DGKB: variants seen among roughly 807,000 people sequenced by gnomAD.
DGKB encodes diacylglycerol kinase beta, also known as 90 kDa diacylglycerol kinase.
Under a neutral mutation model 114.3 loss-of-function variants are expected in DGKB, and 67 were observed. The ratio of observed to expected loss-of-function variants is 0.59; its 90% CI spans 0.48 to 0.72. The LOEUF is 0.72. Among genes scored for constraint, DGKB ranks in the 30% least tolerant of loss-of-function variants. DGKB has a pLI of 0.00. For synonymous variants in DGKB, 398 were observed against 323.1 expected (o/e 1.23, Z -2.49); for missense variants, 907 against 975.2 (o/e 0.93, Z 0.93).
chr7:14,813,239 A>C (rs912195892), intron 2 of DGKB, among the ~76,000 whole-genome samples: 7 of 151,868 alleles, frequency 4.6e-5, no homozygotes. Context: ...CAAGTCTTAG[A>C]AAAAAAGGAA....
intron 4 of DGKB, 63 bp from the exon 5 acceptor site, chr7:14,736,257 T>C (rs1297499095): frequency 1.8e-6 from 2 of 1,102,106 alleles, no homozygotes; most frequent in Non-Finnish European, 2.6e-6. Context: ...TTCTGTGCTG[T>C]GTTCAAAATC....
intron 20 of DGKB, among the ~76,000 whole-genome samples, chr7:14,518,010 G>A (rs927958547): frequency 3.3e-5 from 5 of 152,050 alleles, no homozygotes; most frequent in Non-Finnish European, 7.4e-5. Flanking sequence ...ACACATGCAC[G>A]CATATGTTCA....
intron 19 of DGKB, among the ~76,000 whole-genome samples, chr7:14,580,288 C>G (rs527436829): frequency 6.6e-6 from 1 of 151,968 alleles, no homozygotes; most frequent in South Asian, 2.1e-4. Context: ...GAGGTCTTTC[C>G]CTATAATGAT....
chr7:14,713,005 G>A (rs1404210278), intron 6 of DGKB, among the ~76,000 whole-genome samples: 1 of 152,202 alleles, frequency 6.6e-6, no homozygotes. Context: ...CAACACGACA[G>A]CTTCCAAATA....
At chr7:14,257,885 C>T (rs1385809259) in intron 23 of DGKB, among the ~76,000 whole-genome samples, 1 of 152,086 alleles carries the variant, frequency 6.6e-6, no homozygotes, top group African/African-American at 2.4e-5. Flanking sequence ...CACCACCATG[C>T]TCGGCTAATT....
Position 14,515,221 on chromosome 7 carries a change from T to TCAATATATTA in DGKB, c.1771-37006_1771-36997dup, listed in dbSNP as rs560521313. Reference sequence around the variant, plus strand: ...TAAAAAGTAGAAACACATTATGACATCAATATATTATTTCATTATTTTTCC... The same window carrying TCAATATATTA: ...TAAAAAGTAGAAACACATTATGACATCAATATATTACAATATATTATTTCATTATTTTTCC... On this transcript the variant is annotated intron_variant, in intron 20 of 25. Coordinates refer to ENST00000402815, the MANE Select transcript of DGKB (RefSeq NM_001350709.2). 7.9e-5 allele frequency among the ~76,000 whole-genome samples: 12 copies of TCAATATATTA among 152,286 alleles called. No homozygotes were observed. In the East Asian group the frequency reaches 2.3e-3, roughly 29 times the overall value.
At chr7:14,610,763 T>C (rs946827418) in intron 16 of DGKB, among the ~76,000 whole-genome samples, 1 of 152,014 alleles carries the variant, frequency 6.6e-6, no homozygotes, top group African/African-American at 2.4e-5. Flanking sequence ...TCTGACGTTG[T>C]CCTTGGCAAC....
At chr7:14,260,783 G>A (rs896726890) in intron 23 of DGKB, among the ~76,000 whole-genome samples, 1 of 152,090 alleles carries the variant, frequency 6.6e-6, no homozygotes, top group Non-Finnish European at 1.5e-5. Flanking sequence ...AGTAAATGTT[G>A]CTGCTCACCA....
rs185823286 is a variant in DGKB at position 14,796,523 on chromosome 7, T to C, written c.71-38792A>G. On this transcript the variant is annotated intron_variant, in intron 2 of 25. Coordinates refer to ENST00000402815, the MANE Select transcript of DGKB (RefSeq NM_001350709.2). ...AAAAATTGTAATCAGAGATGAAACA[T>C]GGCTTTACCCGCACAATTCTGAAGA... Among the ~76,000 whole-genome samples the C allele has an allele frequency of 3.3e-3, 501 of 152,178 alleles. 3 individuals are homozygous for C. Among genetic ancestry groups the C allele is most frequent in the African/African-American group, 0.011 (473 of 41,520 alleles).
intron 13 of DGKB, among the ~76,000 whole-genome samples, chr7:14,654,100 T>A (rs1038449911): frequency 1.3e-5 from 2 of 152,066 alleles, no homozygotes; most frequent in African/African-American, 4.8e-5. Flanking sequence ...AACTTATCCC[T>A]CCTTGTAAAT....
At chr7:14,154,034 C>A (rs117639015) in intron 25 of DGKB, among the ~76,000 whole-genome samples, 1 of 151,294 alleles carries the variant, frequency 6.6e-6, no homozygotes, top group African/African-American at 2.4e-5. Context: ...GCTAAGGAGA[C>A]GAGTCAAAAA....
At chr7:14,427,580 G>T (rs537892111) in intron 21 of DGKB, among the ~76,000 whole-genome samples, 1 of 152,224 alleles carries the variant, frequency 6.6e-6, no homozygotes, top group South Asian at 2.1e-4. Context: ...CTGAGACAGG[G>T]TGATTTACAA....
rs909229213 is a variant in DGKB at position 14,897,134 on chromosome 7, G to A, written c.-188+5458C>T. On this transcript the variant is annotated intron_variant, in intron 1 of 25. Coordinates refer to ENST00000402815, the MANE Select transcript of DGKB (RefSeq NM_001350709.2). ...TGGATTAGAAAGAAGACTAAAATAG[G>A]ATAGTTTGACCTAAGATGGTACTTT... Among the ~76,000 whole-genome samples the A allele has an allele frequency of 4.6e-5, 7 of 151,766 alleles. 1 individual carries two copies. The South Asian group carries it at 1.5e-3, about 31-fold the overall frequency.
At chr7:14,345,202 T>C in intron 22 of DGKB, 99 bp downstream of exon 22, 1 of 662,112 alleles carries the variant, frequency 1.5e-6, no homozygotes, top group South Asian at 1.9e-5. Flanking sequence ...TGTGGATTGC[T>C]AATATATATT....
intron 8 of DGKB, among the ~76,000 whole-genome samples, chr7:14,696,254 G>A (rs534024521): frequency 8.6e-5 from 13 of 152,046 alleles, no homozygotes; most frequent in Non-Finnish European, 1.2e-4. Flanking sequence ...AGCACTTTGG[G>A]AGGCCGAGGC....
At chr7:14,699,949 C>A (rs1270921034) in intron 7 of DGKB, among the ~76,000 whole-genome samples, 5 of 150,528 alleles carry the variant, frequency 3.3e-5, no homozygotes, top group African/African-American at 1.2e-4. Context: ...CAACTGCCAA[C>A]CCATGGCTAA....
chr7:14,606,719 T>G (rs1459552175), intron 17 of DGKB, among the ~76,000 whole-genome samples: 7 of 152,096 alleles, frequency 4.6e-5, no homozygotes, highest in Non-Finnish European at 1.0e-4. Flanking sequence ...TGACATTAAT[T>G]ATTTAACTAA....
Position 14,841,193 on chromosome 7 carries a change from C to T in DGKB, c.70+1G>A. On this transcript the variant is annotated splice_donor_variant, in intron 2 of 25. Transcript: ENST00000402815. LOFTEE classifies it high-confidence loss of function. ...CTCATAATATCAATATGAATACTTA[C>T]ACTCAGCATATTTCTGAAGTTGGGA... The T allele has an allele frequency of 1.2e-6, 2 of 1,610,250 alleles. No homozygotes were observed. The highest frequency in any genetic ancestry group is 1.7e-6 in the Non-Finnish European group (2 of 1,177,418).
intron 1 of DGKB, among the ~76,000 whole-genome samples, chr7:14,948,365 C>A (rs1429574425): frequency 6.6e-6 from 1 of 151,810 alleles, no homozygotes. Context: ...TCTGCATGAA[C>A]TACAACATAC....
Sources: allele counts gnomAD v4.1 joint callset (sites outside exome capture counted in the v4.1 genomes callset), GRCh38; gene constraint gnomAD v4.1.1; transcripts MANE v1.5; gene names NCBI Gene and HGNC (gene_info 2026-07-23, HGNC 2026-07-21).